CATSPERB: variants seen among roughly 807,000 people sequenced by gnomAD.
CATSPERB encodes catsper channel auxiliary subunit beta.
CATSPERB carries 93 observed loss-of-function variants against 128.3 expected under a neutral mutation model. The observed-to-expected ratio is 0.72, with a 90% CI of 0.61 to 0.86. CATSPERB has a LOEUF of 0.86. Among genes scored for constraint, CATSPERB ranks in the 40% least tolerant of loss-of-function variants. The pLI, the probability that CATSPERB is intolerant of heterozygous loss-of-function variation, is 0.00. For missense variants in CATSPERB, 1,153 were observed against 1,329.5 expected (o/e 0.87, Z 2.06); for synonymous variants, 381 against 448.8 (o/e 0.85, Z 1.91).
intron 17 of CATSPERB, among the ~76,000 whole-genome samples, chr14:91,631,094 T>C (rs544707765): frequency 3.5e-4 from 54 of 152,370 alleles, no homozygotes; most frequent in African/African-American, 1.3e-3. Flanking sequence ...ATATTTACTT[T>C]CTTCAAAGCA....
chr14:91,598,618 G>A (rs904215786), intron 22 of CATSPERB, among the ~76,000 whole-genome samples: 4 of 152,110 alleles, frequency 2.6e-5, no homozygotes, highest in African/African-American at 9.7e-5. Context: ...CGGCACTTTG[G>A]GAGGCCAAGG....
chr14:91,621,188 G>A (rs1894035088), intron 19 of CATSPERB, among the ~76,000 whole-genome samples: 1 of 152,130 alleles, frequency 6.6e-6, no homozygotes, highest in East Asian at 1.9e-4. Flanking sequence ...AATCACTTGA[G>A]GTCAGGAGTT....
chr14:91,616,733 C>CTTTTTTTTTTTTTTTT (rs1555360386), intron 20 of CATSPERB, among the ~76,000 whole-genome samples: 1 of 84,482 alleles, frequency 1.2e-5, no homozygotes, highest in Non-Finnish European at 2.2e-5. Context: ...AAGTATTCCC[C>CTTTTTTTTTTTTTTTT]TTTTTTTTTT....
At chr14:91,663,566 A>T in intron 14 of CATSPERB, among the ~76,000 whole-genome samples, 1 of 148,038 alleles carries the variant, frequency 6.8e-6, no homozygotes, top group East Asian at 2.0e-4. Context: ...AATGGCGTGA[A>T]CCCGGGAGGC....
At chr14:91,712,925 A>G (rs866510097) in intron 5 of CATSPERB, among the ~76,000 whole-genome samples, 33 of 152,358 alleles carry the variant, frequency 2.2e-4, no homozygotes, top group South Asian at 8.3e-4. Context: ...CGAGCACTCC[A>G]CACAGACAGT....
At chr14:91,708,386 C>T in intron 5 of CATSPERB, 150 bp from the exon 6 acceptor site, 1 of 585,998 alleles carries the variant, frequency 1.7e-6, no homozygotes, top group South Asian at 2.2e-5. Flanking sequence ...ATACGTTTTC[C>T]CTATAAACAT....
At chr14:91,637,257 G>A (rs547273336) in intron 16 of CATSPERB, among the ~76,000 whole-genome samples, 26 of 152,220 alleles carry the variant, frequency 1.7e-4, no homozygotes, top group African/African-American at 5.5e-4. Context: ...GTGGTAGATC[G>A]TGCAGACTGG....
At chr14:91,584,720 A>C (rs1258937175) in intron 26 of CATSPERB, among the ~76,000 whole-genome samples, 1 of 152,054 alleles carries the variant, frequency 6.6e-6, no homozygotes. Context: ...CTCACCCCTA[A>C]CACTTTAAAG....
Position 91,621,726 on chromosome 14 carries a change from A to G in CATSPERB, c.2142T>C (p.Tyr714=), listed in dbSNP as rs1244278531. 8 of 1,613,788 alleles carry G rather than the reference A, an allele frequency of 5.0e-6. No homozygotes were observed. The highest frequency in any genetic ancestry group is 2.7e-5 in the African/African-American group (2 of 74,930). ...GQRNGRTWKI[Y]SKPCNYWFQH... is the part of the protein sequence containing the mutation. ...GAAACCAATAATTACATGGTTTTGA[A>G]TATATTTTCCATGTTCGTCCATTCC... The change falls in exon 19 of 27, where the codon TAT becomes TAC. Residue 714 remains tyrosine, a synonymous_variant. Coordinates refer to ENST00000256343, the MANE Select transcript of CATSPERB (RefSeq NM_024764.4).
chr14:91,656,916 A>G (rs1292030181), intron 15 of CATSPERB, among the ~76,000 whole-genome samples: 2 of 152,140 alleles, frequency 1.3e-5, no homozygotes, highest in Non-Finnish European at 2.9e-5. Flanking sequence ...AGAGACAAAG[A>G]GGGTCATTAT....
intron 7 of CATSPERB, among the ~76,000 whole-genome samples, chr14:91,698,493 A>G (rs1398190473): frequency 6.6e-6 from 1 of 152,148 alleles, no homozygotes; most frequent in Non-Finnish European, 1.5e-5. Context: ...AAATGCTTCC[A>G]GCTTTGGCCA....
chr14:91,640,326 G>A (rs1442874401), intron 15 of CATSPERB, among the ~76,000 whole-genome samples: 2 of 147,618 alleles, frequency 1.4e-5, no homozygotes, highest in Admixed American at 6.7e-5. Flanking sequence ...CATGTGCCAT[G>A]CTGGTGCACT....
intron 22 of CATSPERB, among the ~76,000 whole-genome samples, chr14:91,608,020 C>G (rs933170820): frequency 6.6e-6 from 1 of 152,098 alleles, no homozygotes. Flanking sequence ...TCCTTTCATT[C>G]GAGAAAAGAT....
chr14:91,610,848 G>T (rs1595145474), intron 20 of CATSPERB, among the ~76,000 whole-genome samples, 171 bp from the exon 21 acceptor site: 1 of 152,148 alleles, frequency 6.6e-6, no homozygotes, highest in South Asian at 2.1e-4. Context: ...TCATTTGGGT[G>T]GGCCCCAATC....
intron 2 of CATSPERB, among the ~76,000 whole-genome samples, chr14:91,727,192 T>G (rs1020127746): frequency 2.6e-5 from 4 of 152,230 alleles, no homozygotes; most frequent in African/African-American, 9.6e-5. Flanking sequence ...TTTTGTATGC[T>G]AAGTTTTGGC....
intron 15 of CATSPERB, chr14:91,646,140 A>T: frequency 6.5e-6 from 1 of 154,994 alleles, no homozygotes; most frequent in African/African-American, 2.4e-5. Flanking sequence ...CCGGTACCTC[A>T]GATGGAAATG....
chr14:91,700,447 C>T (rs1895628121), intron 7 of CATSPERB, among the ~76,000 whole-genome samples: 1 of 152,108 alleles, frequency 6.6e-6, no homozygotes, highest in South Asian at 2.1e-4. Context: ...GGAGATCCTG[C>T]TCCTCAATTT....
intron 18 of CATSPERB, among the ~76,000 whole-genome samples, chr14:91,624,074 G>A (rs1460008348): frequency 1.3e-5 from 2 of 152,284 alleles, no homozygotes; most frequent in Admixed American, 6.5e-5. Context: ...TGGGCAGAGT[G>A]TGGTGGCTAA....
At chr14:91,633,316 A>G (rs1894310123) in intron 17 of CATSPERB, among the ~76,000 whole-genome samples, 2 of 152,208 alleles carry the variant, frequency 1.3e-5, no homozygotes, top group Non-Finnish European at 2.9e-5. Flanking sequence ...GAAATTGACC[A>G]TAATGAATGG....
Sources: gnomAD v4.1 joint callset for allele counts (sites outside exome capture counted in the v4.1 genomes callset) on GRCh38, gnomAD v4.1.1 for gene constraint, MANE v1.5 for transcripts, NCBI Gene and HGNC (gene_info 2026-07-23, HGNC 2026-07-21) for gene names.